The following CEP170 variants were observed in gnomAD, a reference collection of about 807,000 sequenced individuals.
The protein encoded by CEP170 is centrosomal protein 170, also known as centrosomal protein of 170 kDa.
In CEP170, 21 loss-of-function variants were observed where a neutral mutation model predicts 151.9. The ratio of observed to expected loss-of-function variants is 0.14; its 90% CI spans 0.10 to 0.20. The LOEUF (loss-of-function observed/expected upper bound fraction) is 0.20, where lower values mean the gene tolerates loss of function less well. CEP170 is among the 10% of genes least tolerant of loss of function. The probability of loss-of-function intolerance (pLI) is 1.00; values close to 1 mark genes in which losing one functional copy is unlikely to be tolerated. For missense variants in CEP170, 964 were observed against 1,892.9 expected (o/e 0.51, Z 9.11); for synonymous variants, 356 against 648.8 (o/e 0.55, Z 6.86).
chr1:243,157,947 A>T (rs1274475711), intron 13 of CEP170, among the ~76,000 whole-genome samples: 3 of 152,260 alleles, frequency 2.0e-5, no homozygotes, highest in African/African-American at 7.2e-5. Flanking sequence ...TCTCTGTAAA[A>T]GTGTATGCAA....
chr1:243,164,711 A>T lies in CEP170; in HGVS notation c.3249T>A (p.Ser1083=). The T allele has an allele frequency of 6.2e-7, 1 of 1,613,666 alleles. No individual in the cohort carries two copies. The highest frequency in any genetic ancestry group is 8.5e-7 in the Non-Finnish European group (1 of 1,179,672). Residue 1083 remains serine (S), a synonymous_variant, in exon 13 of 20, where the codon TCT becomes TCA. Transcript: ENST00000366542. ...GGGTGGTTGATTTACTAGATGAACCAGATACCACCGGAGAAGTCTTAGATT... is the reference window on the plus strand; with the variant it reads ...GGGTGGTTGATTTACTAGATGAACCTGATACCACCGGAGAAGTCTTAGATT... ...VTKSKTSPVV[S]GSSSKSTTLP... is the part of the protein sequence containing the mutation.
At chr1:243,203,456 C>T (rs549055037) in intron 4 of CEP170, among the ~76,000 whole-genome samples, 2 of 152,262 alleles carry the variant, frequency 1.3e-5, no homozygotes, top group Admixed American at 1.3e-4. Context: ...TTCTTAGATA[C>T]GGTTCCTCCC....
chr1:243,240,939 C>T (rs1016770506), intron 1 of CEP170, among the ~76,000 whole-genome samples: 7 of 152,162 alleles, frequency 4.6e-5, no homozygotes, highest in East Asian at 1.9e-4. Flanking sequence ...ATGATCCTCC[C>T]GCTTCGTCCT....
chr1:243,233,404 C>T (rs2063935055), intron 1 of CEP170, among the ~76,000 whole-genome samples: 1 of 40,942 alleles, frequency 2.4e-5, no homozygotes, highest in Non-Finnish European at 5.9e-5. Context: ...AGCTTCACTA[C>T]ACAGGTTTAA....
chr1:243,230,950 G>A (rs2063688420), intron 1 of CEP170, among the ~76,000 whole-genome samples: 1 of 152,032 alleles, frequency 6.6e-6, no homozygotes, highest in African/African-American at 2.4e-5. Flanking sequence ...CAGTCAAATT[G>A]TCAGAACCTA....
intron 1 of CEP170, chr1:243,254,229 C>T (rs970843469): frequency 1.4e-5 from 2 of 146,754 alleles, no homozygotes; most frequent in African/African-American, 5.5e-5. Context: ...TAAAACTCTA[C>T]GAAACACCAC....
rs2053680688 is a variant in CEP170, at chr1:243,126,200, A to T, written c.*249T>A. The T allele has an allele frequency of 6.8e-6, 4 of 586,466 alleles. No individual in the cohort carries two copies. The highest frequency in any genetic ancestry group is 5.5e-5 in the African/African-American group (3 of 54,458). 36.3% of individuals were successfully genotyped at this position (586,466 alleles called of 1,614,324 possible). A position where few individuals can be genotyped will look rare whatever the true frequency, so the allele number is the denominator to read the frequency against. On this transcript the variant is annotated 3_prime_UTR_variant, in exon 20 of 20. Transcript: ENST00000366542. ...AATCATTAAATTCAATTTGAAAATC[A>T]TAAAACCACAAAAGGCGACACTGCC...
rs1197797736 is a variant in CEP170 at position 243,139,941 on chromosome 1, T to C, written c.4226A>G (p.Asp1409Gly). Residue 1409 changes from aspartate (D) to glycine (G), a missense_variant, in exon 16 of 20, where the codon GAT (aspartate) becomes GGT (glycine). Coordinates refer to ENST00000366542, the MANE Select transcript of CEP170 (RefSeq NM_014812.3). The part of the protein sequence containing the change: ...TITRRRTWSR[D>G]EVMGDNLLLS... The stretch of plus-strand genomic sequence containing the variant: ...TAAAATTTATAGTTTACTTACTTCA[T>C]CCCTGCTCCAGGTTCTCCGCCTTGT... The C allele has an allele frequency of 1.9e-6, 3 of 1,610,396 alleles. No individual in the cohort carries two copies. The highest frequency in any genetic ancestry group is 1.7e-5 in the Admixed American group (1 of 59,656).
chr1:243,164,923 C>T lies in CEP170; in HGVS notation c.3037G>A (p.Gly1013Arg). The change falls in exon 13 of 20, where the codon GGG becomes AGG. Residue 1013 changes from glycine (G) to arginine (R), a missense_variant. Coordinates refer to ENST00000366542, the MANE Select transcript of CEP170 (RefSeq NM_014812.3). The stretch of plus-strand genomic sequence containing the variant: ...TCTACTGAGGGCTGTCTTATTCTCC[C>T]ACTGGACTGAACAAATTTACGACCA... Reference protein sequence around the residue: ...ADGRKFVQSSGRIRQPSVDLT... With the variant: ...ADGRKFVQSSRRIRQPSVDLT... The T allele has an allele frequency of 6.2e-7, 1 of 1,613,872 alleles. No homozygotes were observed. The highest frequency in any genetic ancestry group is 8.5e-7 in the Non-Finnish European group (1 of 1,179,742).
intron 1 of CEP170, among the ~76,000 whole-genome samples, chr1:243,227,361 A>G (rs1422758401): frequency 6.6e-6 from 1 of 152,174 alleles, no homozygotes; most frequent in African/African-American, 2.4e-5. Flanking sequence ...TGTGTCTCTC[A>G]GTCATTTGTT....
rs571573380 is a variant in CEP170, at chr1:243,193,141, T to G, written c.632-1647A>C. 8.5e-5 allele frequency among the ~76,000 whole-genome samples: 13 copies of G among 152,264 alleles called. No homozygotes were observed. In the East Asian group the frequency reaches 2.5e-3, roughly 29 times the overall value. ...ATTTGTCTTTTTCTTAAAAATAAAA[T>G]GTTCAGCTGGACTTGTGAGTGTTTA... On this transcript the variant is annotated intron_variant, in intron 7 of 19. Coordinates refer to ENST00000366542, the MANE Select transcript of CEP170 (RefSeq NM_014812.3).
chr1:243,135,694 G>C (rs1382273373), intron 17 of CEP170: 1 of 154,134 alleles, frequency 6.5e-6, no homozygotes, highest in Non-Finnish European at 1.4e-5. Context: ...AAGTTAAATA[G>C]ACTGTTTTTA....
At chr1:243,195,232 GCCAAAAATCTATGATTC>G (rs925317821) in intron 7 of CEP170, among the ~76,000 whole-genome samples, 3 of 151,396 alleles carry the variant, frequency 2.0e-5, no homozygotes, top group South Asian at 2.1e-4. Flanking sequence ...ACATGAGAGA[GCCAAAAATCTATGATTC>G]CCAGTTGCAC....
intron 14 of CEP170, among the ~76,000 whole-genome samples, chr1:243,153,696 T>C (rs2057316331): frequency 6.6e-6 from 1 of 152,160 alleles, no homozygotes; most frequent in Non-Finnish European, 1.5e-5. Flanking sequence ...GCACACAGTA[T>C]AGTGTGAACA....
intron 13 of CEP170, among the ~76,000 whole-genome samples, chr1:243,157,022 C>A (rs1487567932): frequency 6.6e-6 from 1 of 152,164 alleles, no homozygotes; most frequent in Admixed American, 6.5e-5. Context: ...CATTCAACAT[C>A]CTGTTACGCT....
At chr1:243,172,497 C>T (rs1052240109) in intron 11 of CEP170, among the ~76,000 whole-genome samples, 200 bp downstream of exon 11, 1 of 152,178 alleles carries the variant, frequency 6.6e-6, no homozygotes, top group Non-Finnish European at 1.5e-5. Context: ...CCGGGCATGG[C>T]GGTGCACGCC....
intron 3 of CEP170, among the ~76,000 whole-genome samples, chr1:243,212,898 C>G (rs2061947642): frequency 6.6e-6 from 1 of 151,954 alleles, no homozygotes; most frequent in South Asian, 2.1e-4. Context: ...CTCCTGGGCT[C>G]AAATGATATG....
In CEP170 at chr1:243,137,449, A is replaced by G. The variant is rs188481314; in HGVS notation, c.4231-1218T>C. Among the ~76,000 whole-genome samples the G allele has an allele frequency of 5.3e-5, 8 of 152,290 alleles. No individual in the cohort carries two copies. The East Asian group carries it at 1.2e-3, about 22-fold the overall frequency. On this transcript the variant is annotated intron_variant, in intron 16 of 19. Transcript: ENST00000366542. The stretch of plus-strand genomic sequence containing the variant: ...AAGCCTAAGGCCTACAAAACAAGAG[A>G]CGTTCACATAAATTTTGGGACTCAG...
At position 243,185,733 on chromosome 1, in the gene CEP170, T is replaced by G. The variant is rs1412041415; in HGVS notation, c.1566+46A>C. The G allele has an allele frequency of 1.3e-5, 20 of 1,532,904 alleles. No individual in the cohort carries two copies. The highest frequency in any genetic ancestry group is 2.1e-5 in the Admixed American group (1 of 48,512). 95.0% of individuals were successfully genotyped at this position (1,532,904 alleles called of 1,614,324 possible). A position where few individuals can be genotyped will look rare whatever the true frequency, so the allele number is the denominator to read the frequency against. Reference sequence around the variant, plus strand: ...TCTCCAATAATTTCCACCAGTCAAATACACCACACAACAACTAAGATCACA... The same window carrying G: ...TCTCCAATAATTTCCACCAGTCAAAGACACCACACAACAACTAAGATCACA... On this transcript the variant is annotated intron_variant, in intron 10 of 19. Transcript: ENST00000366542. This position sits in a 1 kb window ranked among gnomAD's most constrained non-coding sequence, Gnocchi z 4.9.
Sources: gnomAD v4.1 joint callset for allele counts (sites outside exome capture counted in the v4.1 genomes callset) on GRCh38, gnomAD v4.1.1 for gene constraint, Gnocchi (gnomAD v3.1) non-coding constraint, MANE v1.5 for transcripts, NCBI Gene and HGNC (gene_info 2026-07-23, HGNC 2026-07-21) for gene names.